The following NHEJ1 variants were observed in gnomAD, a reference collection of about 807,000 sequenced individuals.
NHEJ1 encodes the protein non-homologous end joining factor 1.
In NHEJ1, 22 loss-of-function variants were observed where a neutral mutation model predicts 39.4. The ratio of observed to expected loss-of-function variants is 0.56; its 90% confidence interval spans 0.40 to 0.80. NHEJ1 has a LOEUF of 0.80. Ranked by LOEUF, NHEJ1 falls within the 30% of genes least tolerant of loss-of-function variation. The probability of loss-of-function intolerance (pLI) is 0.00; values close to 1 mark genes in which losing one functional copy is unlikely to be tolerated. For missense variants in NHEJ1, 329 were observed against 357.1 expected, an observed-to-expected ratio of 0.92 and a Z score of 0.63; for synonymous variants, 154 against 135.6, an observed-to-expected ratio of 1.14 and a Z score of -0.94.
intron 3 of NHEJ1, among the ~76,000 whole-genome samples, chr2:219,152,103 A>G (rs1413520504): frequency 1.3e-5 from 2 of 152,226 alleles, no homozygotes; most frequent in Non-Finnish European, 1.5e-5. Context: ...ATGAAGATAT[A>G]CAGTTCATCA....
chr2:219,130,951 G>A (rs1195610970), intron 5 of NHEJ1, among the ~76,000 whole-genome samples: 1 of 151,978 alleles, frequency 6.6e-6, no homozygotes, highest in East Asian at 1.9e-4. Flanking sequence ...CATCAGCTAG[G>A]CATGGTGGTA....
At chr2:219,110,658 G>C (rs369924801) in intron 5 of NHEJ1, among the ~76,000 whole-genome samples, 1 of 151,968 alleles carries the variant, frequency 6.6e-6, no homozygotes, top group East Asian at 1.9e-4. Context: ...TGGGGTGGCC[G>C]GGAAGTCCTC....
In NHEJ1 at chr2:219,107,897, C is replaced by T. The variant is rs183594942; in HGVS notation, c.589-29691G>A. Among the ~76,000 whole-genome samples the T allele has an allele frequency of 2.0e-4, 31 of 152,040 alleles. 1 individual carries two copies. Among genetic ancestry groups the T allele is most frequent in the African/African-American group, 6.3e-4 (26 of 41,448 alleles). On this transcript the variant is annotated intron_variant, in intron 5 of 7. Transcript: ENST00000356853. ...AGCCCCACCCTCCTCCCTTGCCCCACCAACACTAGGAAACCAGATGTACAA... is the reference window on the plus strand; with the variant it reads ...AGCCCCACCCTCCTCCCTTGCCCCATCAACACTAGGAAACCAGATGTACAA...
rs189285846 is a variant in NHEJ1 at position 219,073,384 on chromosome 2, T to C, written c.*2997A>G. 1.3e-5 allele frequency among the ~76,000 whole-genome samples: 2 copies of C among 152,286 alleles called. No individual in the cohort carries two copies. The highest frequency in any genetic ancestry group is 1.3e-4 in the Admixed American group (2 of 15,304). On this transcript the variant is annotated 3_prime_UTR_variant, in exon 8 of 8. Transcript: ENST00000356853. ...TGACAAGAGAAGAGAATGACCCTAG[T>C]GATATCTTTTAGGACCCAGCCTGAG...
chr2:219,095,022 C>A (rs1463906981), intron 5 of NHEJ1, among the ~76,000 whole-genome samples: 1 of 152,178 alleles, frequency 6.6e-6, no homozygotes, highest in Non-Finnish European at 1.5e-5. Flanking sequence ...AATAACAACA[C>A]CCCACTCCAT....
intron 5 of NHEJ1, among the ~76,000 whole-genome samples, chr2:219,135,105 A>C (rs1186632996): frequency 1.3e-5 from 2 of 150,680 alleles, no homozygotes; most frequent in East Asian, 3.9e-4. Flanking sequence ...TTTTTAAATT[A>C]ACTCTAATTA....
chr2:219,111,254 C>T lies in NHEJ1; in HGVS notation c.589-33048G>A, dbSNP rs1418756796. Among the ~76,000 whole-genome samples, 2 of 152,140 alleles carry T rather than the reference C, an allele frequency of 1.3e-5. No homozygotes were observed. Among genetic ancestry groups the T allele is most frequent in the East Asian group, 1.9e-4 (1 of 5,190 alleles). ...AAAGGTGGAAGCCAGATTTATCTCA[C>T]CCATTCTCCTCATTTACTCAAAAGG... On this transcript the variant is annotated intron_variant, in intron 5 of 7. Coordinates refer to ENST00000356853, the MANE Select transcript of NHEJ1 (RefSeq NM_024782.3). The surrounding 1 kb of genome is among the most constrained non-coding windows in gnomAD (Gnocchi z 4.1).
rs567284987 is a variant in NHEJ1, at chr2:219,144,916, A to C, written c.588+1764T>G. ...TAACGGTCTCTCTTTACCCATAAAA[A>C]CTTGAAACCTTTTCTAGGCTAGGCA... On this transcript the variant is annotated intron_variant, in intron 5 of 7. Coordinates refer to ENST00000356853, the MANE Select transcript of NHEJ1 (RefSeq NM_024782.3). 1.5e-4 allele frequency among the ~76,000 whole-genome samples: 23 copies of C among 152,276 alleles called. 1 individual carries two copies. The highest frequency in any genetic ancestry group is 5.1e-4 in the African/African-American group (21 of 41,556).
intron 4 of NHEJ1, 76 bp downstream of exon 4, chr2:219,147,581 G>C: frequency 6.3e-7 from 1 of 1,583,928 alleles, no homozygotes; most frequent in African/African-American, 1.3e-5. Flanking sequence ...TAATGCAAAT[G>C]AGTCTCCCTC....
At position 219,119,417 on chromosome 2, in the gene NHEJ1, T is replaced by C. The variant is rs565836482; in HGVS notation, c.588+27263A>G. ...ATCCCCCTCTCCCCATCAACCTTCCTGTCAAATCAAGACGTTAAGGGTAGA... is the reference window on the plus strand; with the variant it reads ...ATCCCCCTCTCCCCATCAACCTTCCCGTCAAATCAAGACGTTAAGGGTAGA... On this transcript the variant is annotated intron_variant, in intron 5 of 7. Coordinates refer to ENST00000356853, the MANE Select transcript of NHEJ1 (RefSeq NM_024782.3). 7.9e-5 allele frequency among the ~76,000 whole-genome samples: 12 copies of C among 152,272 alleles called. No individual in the cohort carries two copies. In the East Asian group the frequency reaches 2.3e-3, roughly 29 times the overall value.
At chr2:219,118,733 C>G (rs1270653427) in intron 5 of NHEJ1, among the ~76,000 whole-genome samples, 2 of 152,140 alleles carry the variant, frequency 1.3e-5, no homozygotes, top group African/African-American at 4.8e-5. Flanking sequence ...AGCCCTTAAA[C>G]CCGCCCCAGG....
chr2:219,090,697 A>T (rs1469483540), intron 5 of NHEJ1, among the ~76,000 whole-genome samples: 2 of 152,210 alleles, frequency 1.3e-5, no homozygotes, highest in African/African-American at 4.8e-5. Context: ...TGGGGACAGC[A>T]GTTAACAGAC....
chr2:219,130,727 A>G (rs1239372728), intron 5 of NHEJ1, among the ~76,000 whole-genome samples: 1 of 152,150 alleles, frequency 6.6e-6, no homozygotes, highest in African/African-American at 2.4e-5. Flanking sequence ...GAGTCCACTT[A>G]CGGTACTGAA....
intron 1 of NHEJ1, among the ~76,000 whole-genome samples, chr2:219,159,896 A>C (rs1949912992): frequency 6.6e-6 from 1 of 151,762 alleles, no homozygotes; most frequent in Admixed American, 6.6e-5. Flanking sequence ...GAAGCTCAGA[A>C]CCCTCAAATT....
At chr2:219,101,876 C>T (rs979914704) in intron 5 of NHEJ1, among the ~76,000 whole-genome samples, 1 of 152,098 alleles carries the variant, frequency 6.6e-6, no homozygotes, top group Admixed American at 6.6e-5. Flanking sequence ...CAGGCATGTG[C>T]CACCACGTCC....
chr2:219,145,248 C>A (rs1053702476), intron 5 of NHEJ1, among the ~76,000 whole-genome samples: 3 of 148,096 alleles, frequency 2.0e-5, no homozygotes, highest in Non-Finnish European at 4.5e-5. Flanking sequence ...ACAACAACAA[C>A]AAAAAGACTT....
chr2:219,120,543 C>T (rs1246037147), intron 5 of NHEJ1, among the ~76,000 whole-genome samples: 1 of 152,160 alleles, frequency 6.6e-6, no homozygotes, highest in Admixed American at 6.5e-5. Context: ...AACCCCATTC[C>T]TGGACCTAAC....
intron 1 of NHEJ1, 138 bp downstream of exon 1, chr2:219,160,581 TC>T (rs1208298379): frequency 5.3e-5 from 5 of 94,504 alleles, no homozygotes; most frequent in Non-Finnish European, 1.0e-4. Flanking sequence ...CGCCCACCCC[TC>T]CCCCGGAGGC....
chr2:219,084,571 G>A (rs1282447988), intron 5 of NHEJ1, among the ~76,000 whole-genome samples: 1 of 152,182 alleles, frequency 6.6e-6, no homozygotes, highest in Non-Finnish European at 1.5e-5. Flanking sequence ...AAGGTCCTGG[G>A]TTTAAATCCT....
Sources: allele counts gnomAD v4.1 joint callset (sites outside exome capture counted in the v4.1 genomes callset), GRCh38; gene constraint gnomAD v4.1.1; non-coding constraint Gnocchi (gnomAD v3.1); transcripts MANE v1.5; gene names NCBI Gene and HGNC (gene_info 2026-07-23, HGNC 2026-07-21).